The following GALNT16 variants were observed in gnomAD, a reference collection of about 807,000 sequenced individuals.
The protein encoded by GALNT16 is UDP-GalNAc:polypeptide N-acetylgalactosaminyltransferase-like protein 1.
GALNT16 carries 40 observed loss-of-function variants against 76.1 expected under a neutral mutation model. That is an observed-to-expected ratio of 0.53 (90% CI 0.41 to 0.68). GALNT16 has a LOEUF of 0.68. GALNT16 is among the 30% of genes least tolerant of loss of function. The pLI is 0.00. For synonymous variants in GALNT16, 276 were observed against 285.2 expected (o/e 0.97, Z 0.32); for missense variants, 621 against 731.9 (o/e 0.85, Z 1.75).
rs2045647730 is a variant in GALNT16 at position 69,352,267 on chromosome 14, C to T, written c.*99C>T. The T allele has an allele frequency of 2.8e-6, 3 of 1,057,650 alleles. No individual in the cohort carries two copies. Among genetic ancestry groups the T allele is most frequent in the Non-Finnish European group, 4.0e-6 (3 of 744,804 alleles). The allele number at this position is 1,057,650 out of a possible 1,614,324, so 65.5% of individuals were successfully genotyped here. A position where few individuals can be genotyped will look rare whatever the true frequency, so the allele number is the denominator to read the frequency against. On this transcript the variant is annotated 3_prime_UTR_variant, in exon 15 of 15. Transcript: ENST00000448469. ...AAAGTGGGCTGTTCCCATCTCCTCA[C>T]ATTTCTGCCAGGACCATCAGCAAAT...
intron 1 of GALNT16, among the ~76,000 whole-genome samples, chr14:69,312,101 C>A (rs894428092): frequency 1.2e-4 from 17 of 146,316 alleles, no homozygotes; most frequent in East Asian, 3.9e-4. Flanking sequence ...ATCTATCTAT[C>A]TATATCTATC....
At chr14:69,379,002 C>T in the GALNT16 span, among the ~76,000 whole-genome samples, 7 of 151,936 alleles carry the variant, frequency 4.6e-5, no homozygotes, top group African/African-American at 1.7e-4. Flanking sequence ...GGTGCAATCT[C>T]GGCTCACTCA....
Position 69,331,534 on chromosome 14 carries a change from C to A in GALNT16, c.761C>A (p.Ser254Tyr). 1 of 1,602,040 alleles carries A rather than the reference C, an allele frequency of 6.2e-7. No homozygotes were observed. The highest frequency in any genetic ancestry group is 8.6e-7 in the Non-Finnish European group (1 of 1,168,924). The change falls in exon 7 of 15, where the codon TCT (serine) becomes TAT (tyrosine). Residue 254 changes from serine (S) to tyrosine (Y), a missense_variant. Ser to Tyr is a moderately radical substitution (Grantham distance 144, BLOSUM62 -2). Coordinates refer to ENST00000448469, the MANE Select transcript of GALNT16 (RefSeq NM_001168368.2). ...GATAATTTTGCCTACCTTGCAGCATCTGCTGACCTTCGTGGAGGTGAGTTC... is the reference window on the plus strand; with the variant it reads ...GATAATTTTGCCTACCTTGCAGCATATGCTGACCTTCGTGGAGGTGAGTTC... ...SLDNFAYLAA[S>Y]ADLRGGFDWS... is the part of the protein sequence containing the mutation.
At chr14:69,276,267 T>A (rs1269858007) in intron 1 of GALNT16, among the ~76,000 whole-genome samples, 1 of 152,240 alleles carries the variant, frequency 6.6e-6, no homozygotes, top group Non-Finnish European at 1.5e-5. Flanking sequence ...AGCGCACTTA[T>A]GACAGTGAGT....
chr14:69,382,066 T>TA, the GALNT16 span, among the ~76,000 whole-genome samples: 4 of 152,314 alleles, frequency 2.6e-5, no homozygotes, highest in Middle Eastern at 3.4e-3. Context: ...GGACTGGAGA[T>TA]AGATTTTAAA....
intron 1 of GALNT16, among the ~76,000 whole-genome samples, chr14:69,301,440 A>G (rs1395022771): frequency 6.6e-6 from 1 of 151,826 alleles, no homozygotes; most frequent in African/African-American, 2.4e-5. Flanking sequence ...TGCACCCTCC[A>G]CCTCCTGGGT....
intron 1 of GALNT16, among the ~76,000 whole-genome samples, chr14:69,298,109 A>G (rs1037619467): frequency 2.0e-5 from 3 of 152,240 alleles, no homozygotes; most frequent in African/African-American, 7.2e-5. Flanking sequence ...AGTTCAGACT[A>G]GAGACATTCA....
At chr14:69,371,072 A>C in the GALNT16 span, among the ~76,000 whole-genome samples, 1 of 152,202 alleles carries the variant, frequency 6.6e-6, no homozygotes, top group East Asian at 1.9e-4. Context: ...TAGAGAATCA[A>C]AGTGCTACAA....
intron 12 of GALNT16, among the ~76,000 whole-genome samples, chr14:69,346,139 C>T (rs1208419712): frequency 6.6e-6 from 1 of 152,058 alleles, no homozygotes; most frequent in East Asian, 1.9e-4. Flanking sequence ...AGTGATCCTC[C>T]TGCTTTGGCC....
the GALNT16 span, among the ~76,000 whole-genome samples, chr14:69,363,614 T>A: frequency 6.6e-6 from 1 of 152,304 alleles, no homozygotes; most frequent in East Asian, 1.9e-4. Flanking sequence ...GAGGAAGAAG[T>A]ATTTGTCCTG....
At chr14:69,290,970 A>G (rs143707674) in intron 1 of GALNT16, among the ~76,000 whole-genome samples, 18 of 152,252 alleles carry the variant, frequency 1.2e-4, no homozygotes, top group African/African-American at 4.1e-4. Context: ...CGGCCAGGAG[A>G]CAGGGTTAGA....
Position 69,347,928 on chromosome 14 carries a change from G to A in GALNT16, c.1465G>A (p.Ala489Thr), listed in dbSNP as rs2045588517. 6.2e-7 allele frequency: 1 copy of A among 1,614,034 alleles called. No individual in the cohort carries two copies. The highest frequency in any genetic ancestry group is 8.5e-7 in the Non-Finnish European group (1 of 1,179,992). ...CCAGCAGCAGGGGAAGTGCCTGGCT[G>A]CCACCTCCACCTTAATGTCCTCCCC... is the stretch of plus-strand genomic sequence containing the variant. Reference protein sequence around the residue: ...LIQQQGKCLAATSTLMSSPGS... With the variant: ...LIQQQGKCLATTSTLMSSPGS... The change falls in exon 14 of 15, where the codon GCC (alanine) becomes ACC (threonine). Residue 489 changes from alanine to threonine, a missense_variant. Transcript: ENST00000448469.
chr14:69,312,054 A>ATCTATCT (rs1555399251), intron 1 of GALNT16, among the ~76,000 whole-genome samples: 4 of 125,716 alleles, frequency 3.2e-5, no homozygotes, highest in African/African-American at 1.2e-4. Flanking sequence ...AAAAAAAAAA[A>ATCTATCT]ATCTGTCTAT....
intron 1 of GALNT16, among the ~76,000 whole-genome samples, chr14:69,260,927 TG>T (rs1466934881): frequency 6.6e-6 from 1 of 150,768 alleles, no homozygotes; most frequent in Admixed American, 6.6e-5. Context: ...GGACATCGGG[TG>T]GGGGCGTGGG....
At chr14:69,343,984 T>C (rs1244718282) in intron 12 of GALNT16, among the ~76,000 whole-genome samples, 6 of 152,240 alleles carry the variant, frequency 3.9e-5, no homozygotes, top group Non-Finnish European at 5.9e-5. Flanking sequence ...ACCTCATTCC[T>C]GTCTGGATTA....
downstream of GALNT16, chr14:69,354,693 G>A (rs1318998638): frequency 6.6e-6 from 1 of 152,334 alleles, no homozygotes. Context: ...CCTACTGCAA[G>A]GGCAGGCCTT....
chr14:69,378,944 TA>T, the GALNT16 span, among the ~76,000 whole-genome samples: 6 of 152,122 alleles, frequency 3.9e-5, no homozygotes, highest in South Asian at 2.1e-4. Flanking sequence ...TAGCTTTATT[TA>T]TTTTTTTTTT....
chr14:69,299,202 C>A (rs1449522420), intron 1 of GALNT16, among the ~76,000 whole-genome samples: 2 of 152,198 alleles, frequency 1.3e-5, no homozygotes, highest in African/African-American at 2.4e-5. Context: ...AGTTGCCTAT[C>A]CTTGCTGTGC....
At chr14:69,272,257 G>A (rs1293920418) in intron 1 of GALNT16, among the ~76,000 whole-genome samples, 5 of 152,166 alleles carry the variant, frequency 3.3e-5, no homozygotes, top group African/African-American at 1.2e-4. Context: ...CAGCTACTCA[G>A]GAAGGGGAGG....
Sources: gnomAD v4.1 joint callset for allele counts (sites outside exome capture counted in the v4.1 genomes callset) on GRCh38, gnomAD v4.1.1 for gene constraint, MANE v1.5 for transcripts, NCBI Gene and HGNC (gene_info 2026-07-23, HGNC 2026-07-21) for gene names.